CTDSPL: variants seen among roughly 807,000 people sequenced by gnomAD.
The protein encoded by CTDSPL is CTD small phosphatase-like protein.
A neutral mutation model predicts 30.5 loss-of-function variants in CTDSPL; 8 were observed. That is an observed-to-expected ratio of 0.26 (90% CI 0.15 to 0.47). CTDSPL has a LOEUF of 0.47. Ranked by LOEUF, CTDSPL falls within the 20% of genes least tolerant of loss-of-function variation. CTDSPL has a pLI of 0.99. For synonymous variants in CTDSPL, 110 were observed against 137.9 expected, an observed-to-expected ratio of 0.80 and a Z score of 1.42; for missense variants, 248 against 366.1, an observed-to-expected ratio of 0.68 and a Z score of 2.63.
chr3:37,980,850 A>G lies in CTDSPL; in HGVS notation c.814A>G (p.Arg272Gly), dbSNP rs1699483690. ...GGACGACGTGTACAGCATGCTGCAC[A>G]GACTCTGCAATAGGTAGCCCTGGCC... is the stretch of plus-strand genomic sequence containing the variant. ...REDDVYSMLH[R>G]LCNR Residue 272 changes from arginine to glycine, a missense_variant, in exon 8 of 8, where the codon AGA becomes GGA. Transcript: ENST00000273179. 1.2e-6 allele frequency: 2 copies of G among 1,614,072 alleles called. No individual in the cohort carries two copies. The highest frequency in any genetic ancestry group is 4.5e-5 in the East Asian group (2 of 44,858).
At chr3:37,921,455 G>A (rs1334484511) in intron 1 of CTDSPL, among the ~76,000 whole-genome samples, 1 of 152,190 alleles carries the variant, frequency 6.6e-6, no homozygotes, top group Non-Finnish European at 1.5e-5. Context: ...AGACTGTATT[G>A]CAGGTCGTCG....
intron 1 of CTDSPL, among the ~76,000 whole-genome samples, chr3:37,934,631 G>A (rs1205234462): frequency 2.0e-5 from 3 of 152,224 alleles, no homozygotes; most frequent in East Asian, 1.9e-4. Context: ...AAAGTAGCAG[G>A]GAGCTGTGAA....
intron 1 of CTDSPL, among the ~76,000 whole-genome samples, chr3:37,931,924 G>T (rs902186654): frequency 6.6e-6 from 1 of 152,012 alleles, no homozygotes; most frequent in Non-Finnish European, 1.5e-5. Flanking sequence ...TTTAGGGCTT[G>T]ATAAAGTGAC....
At chr3:37,921,740 C>T (rs1698719094) in intron 1 of CTDSPL, among the ~76,000 whole-genome samples, 1 of 152,148 alleles carries the variant, frequency 6.6e-6, no homozygotes, top group African/African-American at 2.4e-5. Context: ...TGGTAAGGGG[C>T]CAGACCACCT....
intron 1 of CTDSPL, among the ~76,000 whole-genome samples, chr3:37,872,569 TA>T (rs1559621238): frequency 1.0e-4 from 14 of 137,476 alleles, no homozygotes; most frequent in South Asian, 2.3e-4. Flanking sequence ...TAAATTCTTT[TA>T]TCTTTTTTTT....
chr3:37,901,072 C>T (rs1177686557), intron 1 of CTDSPL, among the ~76,000 whole-genome samples: 1 of 152,202 alleles, frequency 6.6e-6, no homozygotes, highest in East Asian at 1.9e-4. Context: ...GCTGGGATTA[C>T]AGGTGTGAGC....
At chr3:37,941,326 A>G (rs1698975343) in intron 1 of CTDSPL, among the ~76,000 whole-genome samples, 1 of 149,304 alleles carries the variant, frequency 6.7e-6, no homozygotes, top group South Asian at 2.2e-4. Context: ...TCTATCAAGG[A>G]TTTCCCTTTA....
intron 1 of CTDSPL, among the ~76,000 whole-genome samples, chr3:37,919,503 A>G (rs2125609428): frequency 6.6e-6 from 1 of 152,370 alleles, no homozygotes; most frequent in Non-Finnish European, 1.5e-5. Context: ...AGTGTAAGGT[A>G]GAAACCAGAA....
At chr3:37,922,215 A>G (rs1698725345) in intron 1 of CTDSPL, among the ~76,000 whole-genome samples, 1 of 152,008 alleles carries the variant, frequency 6.6e-6, no homozygotes, top group Admixed American at 6.6e-5. Context: ...AGCCTGGGCA[A>G]CAGAGCAAGA....
At chr3:37,932,935 T>C (rs1316492293) in intron 1 of CTDSPL, among the ~76,000 whole-genome samples, 2 of 152,088 alleles carry the variant, frequency 1.3e-5, no homozygotes, top group Non-Finnish European at 2.9e-5. Context: ...TGTGGATTAG[T>C]TGAGGTCAGG....
At chr3:37,960,531 TATATACACACAC>T (rs1339282052) in intron 3 of CTDSPL, among the ~76,000 whole-genome samples, 1,040 of 47,126 alleles carry the variant, frequency 0.022, 18 homozygotes, top group South Asian at 0.036. Flanking sequence ...TATATATATA[TATATACACACAC>T]ACACACACAC....
chr3:37,973,652 C>T (rs1699393038), intron 6 of CTDSPL, among the ~76,000 whole-genome samples: 2 of 152,248 alleles, frequency 1.3e-5, no homozygotes, highest in African/African-American at 4.8e-5. Flanking sequence ...TGCCCAGGAG[C>T]CCGCAGGAAC....
intron 1 of CTDSPL, among the ~76,000 whole-genome samples, chr3:37,933,419 CAT>C (rs1698878912): frequency 1.3e-5 from 2 of 152,096 alleles, no homozygotes. Flanking sequence ...TGTACATATA[CAT>C]GTGTTTTAAA....
At chr3:37,911,670 C>G (rs762071796) in intron 1 of CTDSPL, 1 of 456,390 alleles carries the variant, frequency 2.2e-6, no homozygotes, top group South Asian at 1.6e-5. Flanking sequence ...GTTTCCATTT[C>G]AGATTCTCTT....
chr3:37,902,309 C>G (rs1013516725), intron 1 of CTDSPL, among the ~76,000 whole-genome samples: 1 of 152,146 alleles, frequency 6.6e-6, no homozygotes, highest in Non-Finnish European at 1.5e-5. Flanking sequence ...TAATATCTCC[C>G]TATTCTAGTC....
intron 1 of CTDSPL, among the ~76,000 whole-genome samples, chr3:37,933,777 T>C (rs1449363820): frequency 1.3e-5 from 2 of 152,244 alleles, no homozygotes; most frequent in Non-Finnish European, 2.9e-5. Context: ...TACATAATTA[T>C]TAACTATTAC....
intron 1 of CTDSPL, among the ~76,000 whole-genome samples, chr3:37,913,426 T>G (rs981423299): frequency 3.9e-5 from 6 of 152,216 alleles, no homozygotes; most frequent in Non-Finnish European, 8.8e-5. Context: ...GGCCATGACC[T>G]CTATATTCAG....
chr3:37,885,054 C>T (rs1698248691), intron 1 of CTDSPL, among the ~76,000 whole-genome samples: 1 of 152,008 alleles, frequency 6.6e-6, no homozygotes, highest in Non-Finnish European at 1.5e-5. Flanking sequence ...AGAGGGTGGC[C>T]CAGCAGGCTT....
At chr3:37,933,207 A>T (rs1188484804) in intron 1 of CTDSPL, among the ~76,000 whole-genome samples, 1 of 151,826 alleles carries the variant, frequency 6.6e-6, no homozygotes, top group Non-Finnish European at 1.5e-5. Flanking sequence ...GTGCAGTATT[A>T]TTTTTGGAGT....
Sources: allele counts gnomAD v4.1 joint callset (sites outside exome capture counted in the v4.1 genomes callset), GRCh38; gene constraint gnomAD v4.1.1; transcripts MANE v1.5; gene names NCBI Gene and HGNC (gene_info 2026-07-23, HGNC 2026-07-21).